The following C16orf96 variants were observed in gnomAD, a reference collection of about 807,000 sequenced individuals.
C16orf96 encodes the protein uncharacterized protein C16orf96.
A neutral mutation model predicts 103.6 loss-of-function variants in C16orf96; 108 were observed. That is an observed-to-expected ratio of 1.04 (90% CI 0.89 to 1.22). The LOEUF (loss-of-function observed/expected upper bound fraction) is 1.22. Among genes scored for constraint, C16orf96 ranks in the 50% most tolerant of loss-of-function variants. The probability of loss-of-function intolerance (pLI) is 0.00; values close to 1 mark genes in which losing one functional copy is unlikely to be tolerated. For synonymous variants in C16orf96, 566 were observed against 593.5 expected (o/e 0.95, Z 0.67); for missense variants, 1,586 against 1,464.2 (o/e 1.08, Z -1.36).
At chr16:4,546,011 G>C in the C16orf96 span, among the ~76,000 whole-genome samples, 1 of 149,074 alleles carries the variant, frequency 6.7e-6, no homozygotes. Context: ...CACCATGCCC[G>C]GCTAATTTTT....
the C16orf96 span, among the ~76,000 whole-genome samples, chr16:4,548,986 T>G: frequency 1.3e-5 from 2 of 152,078 alleles, no homozygotes; most frequent in Non-Finnish European, 2.9e-5. Context: ...TCCTTGCCTT[T>G]CCTTTCCTGT....
At chr16:4,573,070 A>G (rs145345669) in intron 2 of C16orf96, among the ~76,000 whole-genome samples, 380 of 152,274 alleles carry the variant, frequency 2.5e-3, no homozygotes, top group Non-Finnish European at 4.6e-3. Flanking sequence ...CTCCCATCTA[A>G]GCAGAAAGAA....
chr16:4,558,003 T>A (rs1596511318), intron 1 of C16orf96, among the ~76,000 whole-genome samples: 1 of 152,284 alleles, frequency 6.6e-6, no homozygotes, highest in Non-Finnish European at 1.5e-5. Context: ...CTGGAGGAGC[T>A]ACCATGGGAG....
Position 4,600,276 on chromosome 16 carries a change from C to T in C16orf96, c.3385C>T (p.Arg1129Ter), listed in dbSNP as rs776734270. 1.4e-4 allele frequency: 215 copies of T among 1,551,174 alleles called. No individual in the cohort carries two copies. The highest frequency in any genetic ancestry group is 1.8e-4 in the Non-Finnish European group (203 of 1,146,930). ...CTCAAGAGCTCCACACATTGAGTCC[C>T]GAGTCGGCAGGAAGCCCCCCGAGGA... ...RLSRAPHIES[R>*]VGRKPPEEPA... The change falls in exon 16 of 16, where the codon CGA (arginine) becomes TGA (stop). Residue 1129 changes from arginine (R) to a stop codon, truncating the protein, a stop_gained. Transcript: ENST00000444310. LOFTEE classifies it low-confidence loss of function (END_TRUNC).
intron 8 of C16orf96, 132 bp from the exon 9 acceptor site, chr16:4,588,035 G>A (rs1896969783): frequency 2.4e-6 from 2 of 818,212 alleles, no homozygotes; most frequent in South Asian, 2.1e-5. Flanking sequence ...AGACCCCAGG[G>A]TTGCATTTAA....
intron 2 of C16orf96, among the ~76,000 whole-genome samples, chr16:4,572,909 A>C (rs932990412): frequency 6.6e-6 from 1 of 152,142 alleles, no homozygotes; most frequent in African/African-American, 2.4e-5. Flanking sequence ...CTGATGAGTC[A>C]CAGCTGGGGT....
chr16:4,582,383 A>T lies in C16orf96; in HGVS notation c.2352+2258A>T, dbSNP rs1428308516. Among the ~76,000 whole-genome samples, 4 of 152,062 alleles carry T rather than the reference A, an allele frequency of 2.6e-5. 1 individual carries two copies. In the East Asian group the frequency reaches 7.7e-4, roughly 29 times the overall value. On this transcript the variant is annotated intron_variant, in intron 7 of 15. Coordinates refer to ENST00000444310, the MANE Select transcript of C16orf96 (RefSeq NM_001145011.2). The stretch of plus-strand genomic sequence containing the variant: ...TCCAAGTCGGGGGGCTGTTGCTGGG[A>T]TGCACTGGGGTGTGTTGGGGGAAAA...
intron 1 of C16orf96, among the ~76,000 whole-genome samples, chr16:4,570,879 C>G (rs1044614943): frequency 6.6e-6 from 1 of 152,062 alleles, no homozygotes; most frequent in Non-Finnish European, 1.5e-5. Context: ...CACAGGAGCC[C>G]GAGAGATCCT....
At chr16:4,562,461 C>CA (rs71402546) in intron 1 of C16orf96, among the ~76,000 whole-genome samples, 40,115 of 141,930 alleles carry the variant, frequency 0.28, 6,176 homozygotes, top group African/African-American at 0.41. Context: ...AAGACTGTGT[C>CA]AAAAAAAAAA....
In C16orf96 at chr16:4,593,353, G is replaced by A. The variant is rs1047950377; in HGVS notation, c.2867+37G>A. 1.2e-5 allele frequency: 19 copies of A among 1,523,654 alleles called. No homozygotes were observed. Among genetic ancestry groups the A allele is most frequent in the African/African-American group, 9.7e-5 (7 of 72,406 alleles). The allele number at this position is 1,523,654 out of a possible 1,614,324, so 94.4% of individuals were successfully genotyped here. ...GGGCGCCCCGCAGGGAGGCCGCCCC[G>A]CATGGAGGCCACTCTGGAGCCTGGG... On this transcript the variant is annotated intron_variant, in intron 12 of 15. Coordinates refer to ENST00000444310, the MANE Select transcript of C16orf96 (RefSeq NM_001145011.2). This position sits in a 1 kb window ranked among gnomAD's most constrained non-coding sequence, Gnocchi z 4.2.
In C16orf96 at chr16:4,593,184, C is replaced by G. The variant is rs549012243; in HGVS notation, c.2775-40C>G. 2.0e-6 allele frequency: 3 copies of G among 1,534,680 alleles called. No individual in the cohort carries two copies. Among genetic ancestry groups the G allele is most frequent in the South Asian group, 1.2e-5 (1 of 83,592 alleles). On this transcript the variant is annotated intron_variant, in intron 11 of 15. Transcript: ENST00000444310. The surrounding 1 kb of genome is among the most constrained non-coding windows in gnomAD (Gnocchi z 4.2). ...AGACGAGCCCTCTGCTGGCCTAGCA[C>G]GCCTCCCACAGCCCCTGCTGTGCCC...
chr16:4,593,385 G>A lies in C16orf96; in HGVS notation c.2867+69G>A. On this transcript the variant is annotated intron_variant, in intron 12 of 15. Coordinates refer to ENST00000444310, the MANE Select transcript of C16orf96 (RefSeq NM_001145011.2). This position sits in a 1 kb window ranked among gnomAD's most constrained non-coding sequence, Gnocchi z 4.2. The stretch of plus-strand genomic sequence containing the variant: ...GGCCACTCTGGAGCCTGGGAACCCT[G>A]TTCCTGCAGAGACACATCCTCCAGG... 7.1e-7 allele frequency: 1 copy of A among 1,412,306 alleles called. No individual in the cohort carries two copies. The highest frequency in any genetic ancestry group is 9.7e-7 in the Non-Finnish European group (1 of 1,030,460). 87.5% of individuals were successfully genotyped at this position (1,412,306 alleles called of 1,614,324 possible). A position where few individuals can be genotyped will look rare whatever the true frequency, so the allele number is the denominator to read the frequency against.
chr16:4,551,703 C>T (rs984042162), upstream of C16orf96, among the ~76,000 whole-genome samples: 4 of 152,090 alleles, frequency 2.6e-5, no homozygotes, highest in African/African-American at 7.2e-5. Context: ...CTGCCCACCT[C>T]GGCCTCCCAA....
At chr16:4,552,975 C>G (rs1281372744), upstream of C16orf96, among the ~76,000 whole-genome samples, 1 of 152,154 alleles carries the variant, frequency 6.6e-6, no homozygotes, top group Non-Finnish European at 1.5e-5. Context: ...ATTTAGCAAA[C>G]ACTTACTGAG....
chr16:4,542,974 T>G, the C16orf96 span, among the ~76,000 whole-genome samples: 1 of 152,118 alleles, frequency 6.6e-6, no homozygotes, highest in South Asian at 2.1e-4. Context: ...TATTTATTCA[T>G]TTACTCATTT....
chr16:4,555,269 TACACAC>T (rs71139639), upstream of C16orf96, among the ~76,000 whole-genome samples: 28,655 of 145,384 alleles, frequency 0.2, 3,334 homozygotes, highest in East Asian at 0.33. Flanking sequence ...TCACACACAC[TACACAC>T]ACACACACAC....
rs867460638 is a variant in C16orf96 at position 4,581,141 on chromosome 16, C to T, written c.2352+1016C>T. Among the ~76,000 whole-genome samples, 217 of 46,734 alleles carry T rather than the reference C, an allele frequency of 4.6e-3. 2 individuals carry two copies. Among genetic ancestry groups the T allele is most frequent in the African/African-American group, 0.012 (202 of 17,454 alleles). 30.7% of individuals were successfully genotyped at this position (46,734 alleles called of 152,430 possible). ...CTCTGTCTAAAAATATATATGTATACATATATATATATATATATATATATA... is the reference window on the plus strand; with the variant it reads ...CTCTGTCTAAAAATATATATGTATATATATATATATATATATATATATATA... On this transcript the variant is annotated intron_variant, in intron 7 of 15. Transcript: ENST00000444310.
intron 9 of C16orf96, among the ~76,000 whole-genome samples, chr16:4,591,431 T>A (rs1897056741): frequency 6.6e-6 from 1 of 151,970 alleles, no homozygotes; most frequent in African/African-American, 2.4e-5. Context: ...CTGATGGTGT[T>A]TTTTGCTTCT....
Position 4,600,424 on chromosome 16 carries a change from G to T in C16orf96, c.*107G>T. 1.3e-6 allele frequency: 1 copy of T among 762,314 alleles called. No homozygotes were observed. The highest frequency in any genetic ancestry group is 2.1e-6 in the Non-Finnish European group (1 of 470,276). 47.2% of individuals were successfully genotyped at this position (762,314 alleles called of 1,614,324 possible). On this transcript the variant is annotated 3_prime_UTR_variant, in exon 16 of 16. Transcript: ENST00000444310. The stretch of plus-strand genomic sequence containing the variant: ...AGTCCCCTCCACATCGGAGGCTGAG[G>T]CCTATGTGGCCCCCCACCCCCACCC...
Sources: allele counts gnomAD v4.1 joint callset (sites outside exome capture counted in the v4.1 genomes callset), GRCh38; gene constraint gnomAD v4.1.1; non-coding constraint Gnocchi (gnomAD v3.1); transcripts MANE v1.5; gene names NCBI Gene and HGNC (gene_info 2026-07-23, HGNC 2026-07-21).